The following ANO4 variants were observed in gnomAD, a reference collection of about 807,000 sequenced individuals.
ANO4 encodes anoctamin-4.
ANO4 carries 69 observed loss-of-function variants against 141.9 expected under a neutral mutation model. That is an observed-to-expected ratio of 0.49 (90% confidence interval 0.40 to 0.59). The LOEUF is 0.59. ANO4 is among the 20% of genes least tolerant of loss of function. ANO4 has a pLI of 0.00. For missense variants in ANO4, 894 were observed against 1,162.2 expected (o/e 0.77, Z 3.36); for synonymous variants, 350 against 394.3 (o/e 0.89, Z 1.33).
intron 1 of ANO4, among the ~76,000 whole-genome samples, chr12:100,888,543 C>T (rs1259297194): frequency 6.6e-6 from 1 of 152,242 alleles, no homozygotes; most frequent in Non-Finnish European, 1.5e-5. Context: ...AGTATTCACA[C>T]AGGAAGGGAG....
Position 100,883,001 on chromosome 12 carries a change from G to A in ANO4, c.-140-18645G>A, listed in dbSNP as rs567451641. 3.3e-3 allele frequency among the ~76,000 whole-genome samples: 495 copies of A among 152,190 alleles called. 5 individuals carry two copies. Among genetic ancestry groups the A allele is most frequent in the Middle Eastern group, 6.8e-3 (2 of 294 alleles). On this transcript the variant is annotated intron_variant, in intron 1 of 27. Coordinates refer to ENST00000392977, the MANE Select transcript of ANO4 (RefSeq NM_001286615.2). ...CAGGTGTGAGCCACCGCACCCAGCT[G>A]GAGCTCTGTTTATGCTCTTTGTTGA...
intron 5 of ANO4, among the ~76,000 whole-genome samples, chr12:100,963,864 G>A (rs185856700): frequency 6.6e-6 from 1 of 152,290 alleles, no homozygotes; most frequent in East Asian, 1.9e-4. Flanking sequence ...TGTCCCCCAA[G>A]CATTCAGTAC....
intron 18 of ANO4, among the ~76,000 whole-genome samples, chr12:101,095,798 A>C (rs2049958655): frequency 6.6e-6 from 1 of 152,210 alleles, no homozygotes; most frequent in South Asian, 2.1e-4. Flanking sequence ...AATTCATTCG[A>C]CATGAGATCT....
chr12:100,866,008 T>C (rs1358532863), intron 1 of ANO4, among the ~76,000 whole-genome samples: 2 of 152,162 alleles, frequency 1.3e-5, no homozygotes, highest in Admixed American at 1.3e-4. Flanking sequence ...CTTCTACAAG[T>C]GCCTTTCATT....
Position 100,884,606 on chromosome 12 carries a change from T to C in ANO4, c.-140-17040T>C, listed in dbSNP as rs577268682. Among the ~76,000 whole-genome samples, 13 of 152,360 alleles carry C rather than the reference T, an allele frequency of 8.5e-5. No individual in the cohort carries two copies. The South Asian group carries it at 2.7e-3, about 32-fold the overall frequency. Reference sequence around the variant, plus strand: ...ATCTTACATTTCTGTGAGTTAGATGTCTGGTGCAGGTCTCACTGGGCCAAA... The same window carrying C: ...ATCTTACATTTCTGTGAGTTAGATGCCTGGTGCAGGTCTCACTGGGCCAAA... On this transcript the variant is annotated intron_variant, in intron 1 of 27. Transcript: ENST00000392977.
chr12:101,047,372 T>G (rs1220110702), intron 13 of ANO4, among the ~76,000 whole-genome samples: 2 of 152,338 alleles, frequency 1.3e-5, no homozygotes, highest in Middle Eastern at 3.4e-3. Context: ...ACATTCCCTC[T>G]GGCATATGAA....
At chr12:100,909,105 T>C (rs914571799) in intron 2 of ANO4, among the ~76,000 whole-genome samples, 2 of 152,194 alleles carry the variant, frequency 1.3e-5, no homozygotes, top group Non-Finnish European at 2.9e-5. Context: ...AGAAGGAATT[T>C]AAATTTGAAG....
At chr12:100,880,070 T>C (rs1179652826) in intron 1 of ANO4, among the ~76,000 whole-genome samples, 2 of 152,168 alleles carry the variant, frequency 1.3e-5, no homozygotes, top group African/African-American at 4.8e-5. Context: ...AGCTGTGATA[T>C]AGCACAGTAC....
chr12:100,988,259 G>C (rs2044818217), intron 8 of ANO4, among the ~76,000 whole-genome samples: 1 of 152,144 alleles, frequency 6.6e-6, no homozygotes, highest in Non-Finnish European at 1.5e-5. Context: ...AAGTCACTGA[G>C]CCTGTGAGGA....
chr12:100,993,531 A>G (rs2045234002), intron 8 of ANO4, among the ~76,000 whole-genome samples: 1 of 152,160 alleles, frequency 6.6e-6, no homozygotes, highest in Admixed American at 6.5e-5. Flanking sequence ...TATCAGCAGT[A>G]GAACAGCATA....
In ANO4 at chr12:101,127,481, G is replaced by T. The variant is rs145523559; in HGVS notation, c.*5-380G>T. ...GAGAATTCTTCCTGAAAGCCTCAGC[G>T]GCCAGAGACCAAGGTGCAACAGGGC... On this transcript the variant is annotated intron_variant, in intron 27 of 27. Coordinates refer to ENST00000392977, the MANE Select transcript of ANO4 (RefSeq NM_001286615.2). Among the ~76,000 whole-genome samples the T allele has an allele frequency of 2.2e-4, 34 of 152,272 alleles. No individual in the cohort carries two copies. The East Asian group carries it at 5.0e-3, about 23-fold the overall frequency.
intron 1 of ANO4, among the ~76,000 whole-genome samples, chr12:100,802,016 G>C (rs2034728012): frequency 6.6e-6 from 1 of 152,066 alleles, no homozygotes; most frequent in Non-Finnish European, 1.5e-5. Context: ...CATCCCTTTT[G>C]CCCTTGAGGG....
intron 8 of ANO4, among the ~76,000 whole-genome samples, chr12:100,999,772 C>T (rs776852283): frequency 5.3e-5 from 8 of 151,882 alleles, no homozygotes; most frequent in African/African-American, 1.5e-4. Context: ...GGGCCTGGCG[C>T]GATGGCTCAC....
chr12:100,791,844 G>A (rs1430954949), upstream of ANO4, among the ~76,000 whole-genome samples: 1 of 152,198 alleles, frequency 6.6e-6, no homozygotes, highest in African/African-American at 2.4e-5. Context: ...CAAAGGCCTG[G>A]AAAGATAGGT....
intron 3 of ANO4, among the ~76,000 whole-genome samples, chr12:100,755,104 C>T (rs547527996): frequency 6.6e-6 from 1 of 152,280 alleles, no homozygotes; most frequent in East Asian, 1.9e-4. Context: ...CATCAATGAT[C>T]TCTGGCAACC....
At chr12:101,080,883 T>TATATACATA in intron 15 of ANO4, among the ~76,000 whole-genome samples, 1 of 74,102 alleles carries the variant, frequency 1.3e-5, no homozygotes, top group South Asian at 6.4e-4. Context: ...TATATATATA[T>TATATACATA]TATATATATA....
At chr12:100,729,619 C>T (rs1324765493) in intron 1 of ANO4, among the ~76,000 whole-genome samples, 1 of 152,094 alleles carries the variant, frequency 6.6e-6, no homozygotes. Flanking sequence ...TCATTAATCT[C>T]ATTCATAGTC....
intron 1 of ANO4, among the ~76,000 whole-genome samples, chr12:100,808,272 A>G (rs547620615): frequency 2.0e-5 from 3 of 152,212 alleles, no homozygotes; most frequent in African/African-American, 4.8e-5. Context: ...CTGGTGTGAG[A>G]TGGTGTCTCA....
At chr12:100,963,946 C>G (rs1001558107) in intron 5 of ANO4, among the ~76,000 whole-genome samples, 1 of 152,182 alleles carries the variant, frequency 6.6e-6, no homozygotes, top group Non-Finnish European at 1.5e-5. Context: ...CAGAATGATG[C>G]TGCAAGGCAG....
Sources: allele counts gnomAD v4.1 joint callset (sites outside exome capture counted in the v4.1 genomes callset), GRCh38; gene constraint gnomAD v4.1.1; transcripts MANE v1.5; gene names NCBI Gene and HGNC (gene_info 2026-07-23, HGNC 2026-07-21).